NCKAP5: variants seen among roughly 807,000 people sequenced by gnomAD.
NCKAP5 encodes the protein NCK associated protein 5, also known as nck-associated protein 5.
Under a neutral mutation model 167.0 loss-of-function variants are expected in NCKAP5, and 92 were observed. The observed-to-expected ratio is 0.55, with a 90% confidence interval of 0.47 to 0.66. The LOEUF (loss-of-function observed/expected upper bound fraction) is 0.66. Among genes scored for constraint, NCKAP5 ranks in the 30% least tolerant of loss-of-function variants. The pLI, the probability that NCKAP5 is intolerant of heterozygous loss-of-function variation, is 0.00. For missense variants in NCKAP5, 2,378 were observed against 2,315.0 expected (o/e 1.03, Z -0.56); for synonymous variants, 891 against 877.4 (o/e 1.02, Z -0.27).
At chr2:133,470,787 G>A (rs189265046) in intron 3 of NCKAP5, among the ~76,000 whole-genome samples, 1,897 of 152,322 alleles carry the variant, frequency 0.012, 16 homozygotes, top group Non-Finnish European at 0.019. Flanking sequence ...GGTGCTGTCC[G>A]TCACCCCTTT....
At chr2:133,324,164 C>T (rs191745981) in intron 3 of NCKAP5, among the ~76,000 whole-genome samples, 2 of 152,278 alleles carry the variant, frequency 1.3e-5, no homozygotes, top group East Asian at 3.9e-4. Context: ...TCACCTATCC[C>T]GGCACAAGCC....
At chr2:132,870,130 AC>A (rs1690689858) in intron 9 of NCKAP5, among the ~76,000 whole-genome samples, 3 of 152,098 alleles carry the variant, frequency 2.0e-5, no homozygotes, top group Admixed American at 6.5e-5. Context: ...CACATGTAAA[AC>A]CAGTAACATG....
At chr2:133,207,382 T>G (rs748275477) in intron 5 of NCKAP5, among the ~76,000 whole-genome samples, 1 of 152,188 alleles carries the variant, frequency 6.6e-6, no homozygotes, top group Non-Finnish European at 1.5e-5. Context: ...CTTTAATCTA[T>G]TATTACTGTC....
At chr2:133,567,304 G>C (rs991224853) in intron 1 of NCKAP5, among the ~76,000 whole-genome samples, 4 of 152,198 alleles carry the variant, frequency 2.6e-5, no homozygotes, top group African/African-American at 9.6e-5. Flanking sequence ...GAACTCCCGG[G>C]TGGCAACAGA....
At chr2:133,202,698 A>G (rs1186566352) in intron 5 of NCKAP5, among the ~76,000 whole-genome samples, 2 of 152,148 alleles carry the variant, frequency 1.3e-5, no homozygotes, top group African/African-American at 2.4e-5. Flanking sequence ...CAAGAAAAAA[A>G]ATCAAACAAC....
At chr2:132,969,495 A>G (rs561400691) in intron 7 of NCKAP5, among the ~76,000 whole-genome samples, 1 of 152,280 alleles carries the variant, frequency 6.6e-6, no homozygotes, top group Admixed American at 6.5e-5. Context: ...GACTCAAGGA[A>G]AGGAAGAATT....
chr2:133,482,945 G>A (rs558026954), intron 3 of NCKAP5, among the ~76,000 whole-genome samples: 22 of 152,184 alleles, frequency 1.4e-4, no homozygotes, highest in African/African-American at 3.6e-4. Context: ...CTATAGAACC[G>A]ATGCAAAAAT....
At chr2:133,060,273 G>T (rs1231594429) in intron 6 of NCKAP5, among the ~76,000 whole-genome samples, 2 of 152,092 alleles carry the variant, frequency 1.3e-5, no homozygotes, top group South Asian at 2.1e-4. Flanking sequence ...AAAGTAGCAG[G>T]TGTGAAATGT....
At chr2:133,347,579 T>TTAATATAATATAATA (rs202127484) in intron 3 of NCKAP5, among the ~76,000 whole-genome samples, 3 of 149,484 alleles carry the variant, frequency 2.0e-5, no homozygotes, top group African/African-American at 7.3e-5. Flanking sequence ...ATTAAAATAA[T>TTAATATAATATAATA]TAATATAATA....
At chr2:132,765,801 T>A (rs1306430277) in intron 16 of NCKAP5, among the ~76,000 whole-genome samples, 1 of 152,114 alleles carries the variant, frequency 6.6e-6, no homozygotes, top group Non-Finnish European at 1.5e-5. Flanking sequence ...AAATAATGTT[T>A]CCTATCCTAT....
rs192399314 is a variant in NCKAP5, at chr2:133,459,160, G to T, written c.69+58298C>A. Among the ~76,000 whole-genome samples the T allele has an allele frequency of 1.3e-4, 20 of 152,204 alleles. No homozygotes were observed. The East Asian group carries it at 3.1e-3, about 24-fold the overall frequency. ...AGCATTTGGCATCTGGCTAAGGAAG[G>T]ATTTTCTTAGCATTTTCCTTCACAA... On this transcript the variant is annotated intron_variant, in intron 3 of 19. Transcript: ENST00000409261.
intron 6 of NCKAP5, among the ~76,000 whole-genome samples, chr2:133,100,761 G>A: frequency 6.6e-6 from 1 of 150,970 alleles, no homozygotes; most frequent in East Asian, 1.9e-4. Flanking sequence ...TCTGTGGCTT[G>A]GAAAAAAAAA....
At chr2:133,439,919 CAGG>C (rs1459238012) in intron 3 of NCKAP5, among the ~76,000 whole-genome samples, 1 of 152,250 alleles carries the variant, frequency 6.6e-6, no homozygotes, top group African/African-American at 2.4e-5. Context: ...TGGGACTGTC[CAGG>C]AGCACAATGC....
At chr2:133,543,908 G>A (rs1430533063) in intron 2 of NCKAP5, among the ~76,000 whole-genome samples, 1 of 152,160 alleles carries the variant, frequency 6.6e-6, no homozygotes, top group Non-Finnish European at 1.5e-5. Context: ...CACTAGATTG[G>A]TTCCCCTCAA....
chr2:132,888,874 G>T (rs566364243), intron 8 of NCKAP5, among the ~76,000 whole-genome samples: 3 of 152,306 alleles, frequency 2.0e-5, no homozygotes, highest in African/African-American at 7.2e-5. Flanking sequence ...GATTAAAGAT[G>T]GTTGCAAATG....
rs371465736 is a variant in NCKAP5, at chr2:132,790,218, G to C, written c.910-13C>G. On this transcript the variant is annotated splice_polypyrimidine_tract_variant and intron_variant, in intron 12 of 19. Transcript: ENST00000409261. ...TTAGTTGGTGTTCCTGAAAAAGCAG[G>C]ACAGCTCTGAGCAAGGGCTTTGCTC... The C allele has an allele frequency of 1.9e-6, 3 of 1,606,064 alleles. No homozygotes were observed. The highest frequency in any genetic ancestry group is 2.2e-5 in the South Asian group (2 of 89,460).
chr2:133,014,675 T>A (rs2149372346), intron 6 of NCKAP5, among the ~76,000 whole-genome samples: 1 of 152,326 alleles, frequency 6.6e-6, no homozygotes, highest in Admixed American at 6.5e-5. Flanking sequence ...GAGATCTGGG[T>A]GCTGTGGTCT....
chr2:133,251,823 G>A (rs1430712681), intron 4 of NCKAP5, among the ~76,000 whole-genome samples: 1 of 152,034 alleles, frequency 6.6e-6, no homozygotes, highest in Non-Finnish European at 1.5e-5. Context: ...ATCTTAAAAA[G>A]CATATTCCTT....
At chr2:132,707,655 G>C (rs1019277773) in intron 19 of NCKAP5, among the ~76,000 whole-genome samples, 4 of 152,174 alleles carry the variant, frequency 2.6e-5, no homozygotes, top group African/African-American at 9.7e-5. Flanking sequence ...TGATGTAAGC[G>C]TGAGCAAAAC....
Sources: gnomAD v4.1 joint callset for allele counts (sites outside exome capture counted in the v4.1 genomes callset) on GRCh38, gnomAD v4.1.1 for gene constraint, MANE v1.5 for transcripts, NCBI Gene and HGNC (gene_info 2026-07-23, HGNC 2026-07-21) for gene names.